GRIA1: variants seen among roughly 807,000 people sequenced by gnomAD.
GRIA1 encodes the protein glutamate receptor 1.
GRIA1 carries 31 observed loss-of-function variants against 99.2 expected under a neutral mutation model. The observed-to-expected ratio is 0.31, with a 90% CI of 0.23 to 0.42. The LOEUF (loss-of-function observed/expected upper bound fraction) is 0.42, where lower values mean the gene tolerates loss of function less well. Among genes scored for constraint, GRIA1 ranks in the 10% least tolerant of loss-of-function variants. The pLI is 1.00. For missense variants in GRIA1, 782 were observed against 1,157.5 expected (o/e 0.68, Z 4.71); for synonymous variants, 438 against 432.4 (o/e 1.01, Z -0.16).
intron 5 of GRIA1, among the ~76,000 whole-genome samples, chr5:153,666,241 C>G (rs1359485823): frequency 6.6e-6 from 1 of 152,158 alleles, no homozygotes; most frequent in Non-Finnish European, 1.5e-5. Flanking sequence ...CACCCTGATC[C>G]AGGTACTGCT....
chr5:153,498,543 T>A (rs1196777076), intron 2 of GRIA1, among the ~76,000 whole-genome samples: 1 of 152,198 alleles, frequency 6.6e-6, no homozygotes, highest in Non-Finnish European at 1.5e-5. Context: ...TGGGATGCCC[T>A]CTGTCATGGA....
At chr5:153,575,218 A>AGAGAGAG (rs1017953787) in intron 2 of GRIA1, among the ~76,000 whole-genome samples, 7 of 151,860 alleles carry the variant, frequency 4.6e-5, no homozygotes, top group Non-Finnish European at 7.4e-5. Context: ...AGAGAGAGAG[A>AGAGAGAG]GAGCTGTTTA....
intron 2 of GRIA1, among the ~76,000 whole-genome samples, chr5:153,594,183 C>T (rs1256597198): frequency 6.6e-6 from 1 of 152,242 alleles, no homozygotes; most frequent in Middle Eastern, 3.4e-3. Context: ...AACTTCAAGA[C>T]AATCGCCTTT....
At position 153,773,517 on chromosome 5, in the gene GRIA1, C is replaced by G. The variant is rs1764020140; in HGVS notation, c.2270+3102C>G. Among the ~76,000 whole-genome samples, 3 of 152,320 alleles carry G rather than the reference C, an allele frequency of 2.0e-5. 1 individual carries two copies. In the South Asian group the frequency reaches 6.2e-4, roughly 32 times the overall value. ...TAATGGACACTGACTTTAACACACC[C>G]AGCACCATTCCTTTGAGGAGTAACC... On this transcript the variant is annotated intron_variant, in intron 13 of 15. Transcript: ENST00000285900.
At chr5:153,555,576 C>T (rs1269745049) in intron 2 of GRIA1, among the ~76,000 whole-genome samples, 6 of 151,576 alleles carry the variant, frequency 4.0e-5, no homozygotes, top group African/African-American at 9.8e-5. Flanking sequence ...CTAAGACTCA[C>T]TTGCAACGCA....
At chr5:153,647,711 C>G (rs1347894879) in intron 3 of GRIA1, among the ~76,000 whole-genome samples, 1 of 152,196 alleles carries the variant, frequency 6.6e-6, no homozygotes, top group Non-Finnish European at 1.5e-5. Context: ...ATGTTATCAT[C>G]ATCATCATCC....
chr5:153,580,203 T>A (rs1472545118), intron 2 of GRIA1, among the ~76,000 whole-genome samples: 1 of 152,164 alleles, frequency 6.6e-6, no homozygotes, highest in Non-Finnish European at 1.5e-5. Context: ...AGAGAGGGAA[T>A]CACAGTAGGA....
chr5:153,622,899 A>C (rs186721270), intron 2 of GRIA1, among the ~76,000 whole-genome samples: 6 of 152,196 alleles, frequency 3.9e-5, no homozygotes, highest in Non-Finnish European at 7.4e-5. Flanking sequence ...GCAGAGGCCT[A>C]GATGCGGCAC....
intron 7 of GRIA1, among the ~76,000 whole-genome samples, chr5:153,679,761 C>T (rs1756844058): frequency 6.6e-6 from 1 of 152,230 alleles, no homozygotes. Flanking sequence ...CACCTCTGGC[C>T]TTCAGGTCAC....
intron 2 of GRIA1, among the ~76,000 whole-genome samples, chr5:153,521,080 C>T (rs532055252): frequency 8.7e-4 from 133 of 152,218 alleles, no homozygotes; most frequent in Non-Finnish European, 1.6e-3. Context: ...GAAAACTCTG[C>T]GAGTCATGCT....
intron 2 of GRIA1, among the ~76,000 whole-genome samples, chr5:153,538,212 G>A (rs938192467): frequency 6.6e-6 from 1 of 152,164 alleles, no homozygotes; most frequent in Non-Finnish European, 1.5e-5. Flanking sequence ...ATGGGAAGTA[G>A]GGGGAATTGT....
chr5:153,759,529 C>T (rs1238125120), intron 11 of GRIA1, among the ~76,000 whole-genome samples: 2 of 151,930 alleles, frequency 1.3e-5, no homozygotes, highest in African/African-American at 2.4e-5. Context: ...CCTGAAAAGA[C>T]CAATAACAAG....
chr5:153,566,304 C>CTTTTTTTTTTTTTTTT (rs55872840), intron 2 of GRIA1, among the ~76,000 whole-genome samples: 1,221 of 36,524 alleles, frequency 0.033, 453 homozygotes, highest in Non-Finnish European at 0.045. Flanking sequence ...AATTCCCTGC[C>CTTTTTTTTTTTTTTTT]TTTTTTTTTT....
intron 2 of GRIA1, among the ~76,000 whole-genome samples, chr5:153,504,115 C>G (rs967621880): frequency 5.9e-5 from 9 of 151,910 alleles, no homozygotes; most frequent in Admixed American, 6.6e-5. Context: ...GACACAGTGG[C>G]CAGGATATTG....
At chr5:153,673,043 A>G (rs1756312508) in intron 5 of GRIA1, among the ~76,000 whole-genome samples, 1 of 152,188 alleles carries the variant, frequency 6.6e-6, no homozygotes, top group Non-Finnish European at 1.5e-5. Flanking sequence ...AGTTAACACA[A>G]GGCTCTATGT....
At chr5:153,639,222 T>C (rs116386463) in intron 2 of GRIA1, among the ~76,000 whole-genome samples, 100 of 152,340 alleles carry the variant, frequency 6.6e-4, no homozygotes, top group African/African-American at 2.4e-3. Flanking sequence ...TGAGACCAGC[T>C]AGGACTGACC....
chr5:153,562,637 T>C (rs371893440), intron 2 of GRIA1, among the ~76,000 whole-genome samples: 5 of 152,206 alleles, frequency 3.3e-5, no homozygotes, highest in Admixed American at 2.6e-4. Context: ...AGGCAAAGAC[T>C]GTTTGTGATG....
At chr5:153,537,735 G>A (rs1758714819) in intron 2 of GRIA1, among the ~76,000 whole-genome samples, 1 of 152,232 alleles carries the variant, frequency 6.6e-6, no homozygotes, top group Non-Finnish European at 1.5e-5. Context: ...CAGTGAAGTT[G>A]CAAGTTAGAG....
At chr5:153,569,571 A>C (rs1247042694) in intron 2 of GRIA1, among the ~76,000 whole-genome samples, 1 of 152,230 alleles carries the variant, frequency 6.6e-6, no homozygotes, top group Non-Finnish European at 1.5e-5. Context: ...GGGATAGCCC[A>C]GATATAAAAT....
Sources: gnomAD v4.1 joint callset for allele counts (sites outside exome capture counted in the v4.1 genomes callset) on GRCh38, gnomAD v4.1.1 for gene constraint, MANE v1.5 for transcripts, NCBI Gene and HGNC (gene_info 2026-07-23, HGNC 2026-07-21) for gene names.